Variants in IQCK observed in about 807,000 individuals in gnomAD.
IQCK encodes IQ motif containing K, also known as IQ domain-containing protein K.
In IQCK, 29 loss-of-function variants were observed where a neutral mutation model predicts 28.1. The ratio of observed to expected loss-of-function variants is 1.03; its 90% CI spans 0.77 to 1.41. The LOEUF (loss-of-function observed/expected upper bound fraction) is 1.41. Among genes scored for constraint, IQCK ranks in the 40% most tolerant of loss-of-function variants. The pLI, the probability that IQCK is intolerant of heterozygous loss-of-function variation, is 0.00. For synonymous variants in IQCK, 113 were observed against 115.1 expected (o/e 0.98, Z 0.12); for missense variants, 359 against 314.7 (o/e 1.14, Z -1.07).
At chr16:19,842,894 C>T (rs1055642310) in intron 9 of IQCK, among the ~76,000 whole-genome samples, 2 of 152,120 alleles carry the variant, frequency 1.3e-5, no homozygotes, top group African/African-American at 4.8e-5. Flanking sequence ...ACACAGACAG[C>T]TTGTGAATCT....
chr16:19,726,705 G>A (rs1021166317), intron 1 of IQCK, among the ~76,000 whole-genome samples: 13 of 152,138 alleles, frequency 8.5e-5, no homozygotes, highest in Non-Finnish European at 1.5e-4. Flanking sequence ...TGAATAAGCC[G>A]TTAAAAGTAA....
chr16:19,720,829 C>T (rs1977469234), intron 1 of IQCK, among the ~76,000 whole-genome samples: 1 of 152,098 alleles, frequency 6.6e-6, no homozygotes, highest in African/African-American at 2.4e-5. Flanking sequence ...CTAGCCTGGC[C>T]AACATGTTGA....
At chr16:19,804,906 C>T (rs947447674) in intron 7 of IQCK, among the ~76,000 whole-genome samples, 28 of 152,302 alleles carry the variant, frequency 1.8e-4, no homozygotes, top group African/African-American at 6.3e-4. Flanking sequence ...TTCCAACAAT[C>T]GTTGTTTAAG....
chr16:19,782,591 A>G (rs1313767668), intron 6 of IQCK, among the ~76,000 whole-genome samples: 1 of 152,034 alleles, frequency 6.6e-6, no homozygotes, highest in Non-Finnish European at 1.5e-5. Context: ...TCATGCCACT[A>G]CACTGCAGCC....
chr16:19,747,512 A>G (rs2054927704), intron 4 of IQCK, among the ~76,000 whole-genome samples: 1 of 151,408 alleles, frequency 6.6e-6, no homozygotes, highest in African/African-American at 2.4e-5. Flanking sequence ...TTTTAAGTAA[A>G]TGTGTGGGGT....
intron 9 of IQCK, among the ~76,000 whole-genome samples, chr16:19,853,905 G>C (rs1013546018): frequency 1.3e-5 from 2 of 152,244 alleles, no homozygotes; most frequent in African/African-American, 4.8e-5. Context: ...TGGGATTATA[G>C]GCGTGAGCCA....
chr16:19,733,919 G>A, intron 3 of IQCK, 92 bp downstream of exon 3: 1 of 1,218,418 alleles, frequency 8.2e-7, no homozygotes. Context: ...TGGACCTCAG[G>A]GAGACCACAT....
chr16:19,745,332 TTAC>T (rs1035371795), intron 4 of IQCK, among the ~76,000 whole-genome samples: 45 of 152,146 alleles, frequency 3.0e-4, no homozygotes, highest in Non-Finnish European at 4.4e-4. Context: ...CAACTCAAGT[TTAC>T]TAATGACCCA....
chr16:19,760,289 T>A (rs1315604048), intron 4 of IQCK, among the ~76,000 whole-genome samples: 1 of 152,188 alleles, frequency 6.6e-6, no homozygotes, highest in South Asian at 2.1e-4. Flanking sequence ...GCAAACTGGC[T>A]TAAGTGCAAA....
intron 2 of IQCK, 53 bp downstream of exon 2, chr16:19,730,547 C>A: frequency 1.5e-6 from 2 of 1,346,576 alleles, no homozygotes; most frequent in Non-Finnish European, 2.1e-6. Context: ...ATGAGAATAG[C>A]ATTGATGGCC....
At chr16:19,782,955 T>G (rs2055508751) in intron 6 of IQCK, among the ~76,000 whole-genome samples, 1 of 152,026 alleles carries the variant, frequency 6.6e-6, no homozygotes, top group South Asian at 2.1e-4. Flanking sequence ...AAATAAATTT[T>G]TGTTCCTTCT....
rs146871866 is a variant in IQCK at position 19,742,596 on chromosome 16, C to A, written c.474+7146C>A. ...ATAACTGGGGCATTTTTATCTGTCA[C>A]CCACAACTGAACTTGCATCCAATTG... On this transcript the variant is annotated intron_variant, in intron 4 of 7. Coordinates refer to ENST00000564186, the Ensembl canonical transcript of IQCK. Among the ~76,000 whole-genome samples the A allele has an allele frequency of 4.0e-3, 614 of 152,310 alleles. 3 individuals carry two copies. Among genetic ancestry groups the A allele is most frequent in the African/African-American group, 0.014 (564 of 41,568 alleles).
chr16:19,844,801 T>TTTTTG (rs1005327525), intron 9 of IQCK, among the ~76,000 whole-genome samples: 7 of 151,708 alleles, frequency 4.6e-5, no homozygotes, highest in Admixed American at 1.3e-4. Context: ...GATGGGAAGT[T>TTTTTG]TTTTGTTTTG....
intron 1 of IQCK, among the ~76,000 whole-genome samples, chr16:19,727,508 A>C (rs1977693535): frequency 6.6e-6 from 1 of 151,524 alleles, no homozygotes; most frequent in South Asian, 2.1e-4. Flanking sequence ...AATTTCTTGA[A>C]CCCAGGAGGC....
chr16:19,769,986 A>G (rs1458933748), intron 6 of IQCK, among the ~76,000 whole-genome samples: 1 of 152,184 alleles, frequency 6.6e-6, no homozygotes, highest in East Asian at 1.9e-4. Flanking sequence ...ATGGAAACCA[A>G]GGGACCCAGC....
downstream of IQCK, among the ~76,000 whole-genome samples, chr16:19,831,166 C>A (rs568429414): frequency 4.6e-5 from 7 of 152,336 alleles, no homozygotes; most frequent in African/African-American, 1.7e-4. Context: ...GTCCAGTGTT[C>A]TAACATATCC....
chr16:19,830,075 A>G (rs2056211262), downstream of IQCK, among the ~76,000 whole-genome samples: 1 of 152,228 alleles, frequency 6.6e-6, no homozygotes, highest in African/African-American at 2.4e-5. Context: ...TAAATGAGTC[A>G]ATAAACAAAG....
intron 6 of IQCK, among the ~76,000 whole-genome samples, chr16:19,769,829 G>A (rs1330651281): frequency 6.6e-5 from 10 of 152,108 alleles, no homozygotes; most frequent in African/African-American, 1.9e-4. Context: ...CTTTATAGCC[G>A]TAAGGTATTG....
At chr16:19,764,328 G>A in intron 6 of IQCK, 2 of 419,546 alleles carry the variant, frequency 4.8e-6, no homozygotes, top group East Asian at 3.5e-5. Flanking sequence ...AAATAAAATA[G>A]AAAACTTAAA....
Sources: allele counts gnomAD v4.1 joint callset (sites outside exome capture counted in the v4.1 genomes callset), GRCh38; gene constraint gnomAD v4.1.1; transcripts MANE v1.5; gene names NCBI Gene and HGNC (gene_info 2026-07-23, HGNC 2026-07-21).